The following KPNA4 variants were observed in gnomAD, a reference collection of about 807,000 sequenced individuals.
KPNA4 encodes the protein karyopherin subunit alpha 4.
In KPNA4, 13 loss-of-function variants were observed where a neutral mutation model predicts 71.3. That is an observed-to-expected ratio of 0.18 (90% confidence interval 0.12 to 0.29). KPNA4 has a LOEUF of 0.29. Ranked by LOEUF, KPNA4 falls within the 10% of genes least tolerant of loss-of-function variation. KPNA4 has a pLI of 1.00. For missense variants in KPNA4, 334 were observed against 603.2 expected (o/e 0.55, Z 4.67); for synonymous variants, 189 against 195.2 (o/e 0.97, Z 0.26).
chr3:160,533,806 A>C (rs1721622134), intron 5 of KPNA4, among the ~76,000 whole-genome samples: 2 of 152,178 alleles, frequency 1.3e-5, no homozygotes. Context: ...ATTGTCTTGG[A>C]ATCTCCCAGT....
At chr3:160,547,833 T>C (rs1248655927) in intron 1 of KPNA4, among the ~76,000 whole-genome samples, 1 of 152,184 alleles carries the variant, frequency 6.6e-6, no homozygotes, top group Non-Finnish European at 1.5e-5. Context: ...TTTCAGATTG[T>C]CTTGTTTCTT....
intron 1 of KPNA4, among the ~76,000 whole-genome samples, chr3:160,539,259 T>C (rs372622313): frequency 2.1e-4 from 32 of 152,344 alleles, no homozygotes; most frequent in African/African-American, 6.7e-4. Flanking sequence ...GGTACAGATA[T>C]AGATTTTTTA....
intron 1 of KPNA4, among the ~76,000 whole-genome samples, chr3:160,554,355 G>C (rs996764306): frequency 6.6e-6 from 1 of 152,114 alleles, no homozygotes; most frequent in Admixed American, 6.6e-5. Context: ...ATACCCACTA[G>C]CAATCATTCC....
intron 5 of KPNA4, among the ~76,000 whole-genome samples, chr3:160,534,718 G>GAATAAAAAAAA (rs1721647980): frequency 1.4e-5 from 1 of 73,138 alleles, no homozygotes; most frequent in Admixed American, 1.7e-4. Flanking sequence ...CTCCATCTCA[G>GAATAAAAAAAA]AAAAAAAAAA....
intron 11 of KPNA4, among the ~76,000 whole-genome samples, chr3:160,519,580 G>A (rs1483003273): frequency 1.3e-5 from 2 of 151,310 alleles, no homozygotes; most frequent in Non-Finnish European, 2.9e-5. Context: ...GGATCATGAG[G>A]TCAGGAGATC....
At chr3:160,522,000 C>T in intron 10 of KPNA4, 90 bp from the exon 11 acceptor site, 1 of 1,062,112 alleles carries the variant, frequency 9.4e-7, no homozygotes, top group Non-Finnish European at 1.4e-6. Flanking sequence ...AATTGTTCAA[C>T]TACCTTCTTC....
chr3:160,530,578 TATAA>T (rs1400292963), intron 7 of KPNA4, among the ~76,000 whole-genome samples: 1 of 152,214 alleles, frequency 6.6e-6, no homozygotes, highest in Non-Finnish European at 1.5e-5. Context: ...ACTGATGTCC[TATAA>T]ATAAAGTGTA....
At chr3:160,513,187 TCTC>T (rs1326022192) in intron 13 of KPNA4, among the ~76,000 whole-genome samples, 3 of 151,714 alleles carry the variant, frequency 2.0e-5, no homozygotes, top group African/African-American at 4.8e-5. Context: ...AGATTTATCT[TCTC>T]TTTAATTACA....
chr3:160,536,889 T>G (rs765574452), intron 1 of KPNA4, 49 bp from the exon 2 acceptor site: 9 of 1,129,688 alleles, frequency 8.0e-6, no homozygotes, highest in South Asian at 2.6e-5. Context: ...TCAAATTCCA[T>G]TATCCAGAGA....
At chr3:160,516,605 C>T (rs1346605980) in intron 11 of KPNA4, among the ~76,000 whole-genome samples, 2 of 151,908 alleles carry the variant, frequency 1.3e-5, no homozygotes, top group Non-Finnish European at 2.9e-5. Context: ...CATGACAAAA[C>T]CCTGTCTCTA....
At chr3:160,563,188 CGG>C (rs1722279400) in intron 1 of KPNA4, among the ~76,000 whole-genome samples, 1 of 93,004 alleles carries the variant, frequency 1.1e-5, no homozygotes, top group Non-Finnish European at 2.8e-5. Flanking sequence ...TTGGATCATT[CGG>C]CCATAAGGAT....
At chr3:160,541,578 A>C (rs561618399) in intron 1 of KPNA4, among the ~76,000 whole-genome samples, 5 of 152,144 alleles carry the variant, frequency 3.3e-5, no homozygotes, top group Admixed American at 2.0e-4. Context: ...ACTAAATATC[A>C]TTGAATTCTA....
chr3:160,496,431 C>T lies in KPNA4; in HGVS notation c.*5673G>A, dbSNP rs149118097. 5.3e-5 allele frequency: 8 copies of T among 152,170 alleles called. No individual in the cohort carries two copies. Among genetic ancestry groups the T allele is most frequent in the East Asian group, 3.9e-4 (2 of 5,176 alleles). 9.4% of individuals were successfully genotyped at this position (152,170 alleles called of 1,614,324 possible). On this transcript the variant is annotated 3_prime_UTR_variant, in exon 17 of 17. Coordinates refer to ENST00000334256, the MANE Select transcript of KPNA4 (RefSeq NM_002268.5). ...AAAGCATGTAGATTTAAGCAGATTA[C>T]GAGTCATTTTAAACAGCTGTTTCAA...
rs1720778713 is a variant in KPNA4 at position 160,497,072 on chromosome 3, C to T, written c.*5032G>A. The T allele has an allele frequency of 6.6e-6, 1 of 152,216 alleles. No homozygotes were observed. Among genetic ancestry groups the T allele is most frequent in the Non-Finnish European group, 1.5e-5 (1 of 68,038 alleles). The allele number at this position is 152,216 out of a possible 1,614,324, so 9.4% of individuals were successfully genotyped here. ...TACAGTCCAAATTTGCTTCTGATCA[C>T]ACTAGAATAGTTTTACCAATGTTCA... On this transcript the variant is annotated 3_prime_UTR_variant, in exon 17 of 17. Transcript: ENST00000334256.
At chr3:160,508,024 T>C (rs528929709) in intron 15 of KPNA4, 83 bp downstream of exon 15, 16 of 1,038,252 alleles carry the variant, frequency 1.5e-5, no homozygotes, top group African/African-American at 9.7e-5. Flanking sequence ...CAGAAAAATA[T>C]AGATGTGCTA....
At position 160,565,412 on chromosome 3, in the gene KPNA4, C is replaced by G; in HGVS notation, c.-130G>C. ...TGCCCGCCGCGCCGCCGCTTCCTTC[C>G]TCCTCTCACCTGCCTCCGCCGCGGC... On this transcript the variant is annotated 5_prime_UTR_variant, in exon 1 of 17. Coordinates refer to ENST00000334256, the MANE Select transcript of KPNA4 (RefSeq NM_002268.5). 4.3e-6 allele frequency: 3 copies of G among 703,556 alleles called. No individual in the cohort carries two copies. Among genetic ancestry groups the G allele is most frequent in the Non-Finnish European group, 7.2e-6 (3 of 416,834 alleles). 43.6% of individuals were successfully genotyped at this position (703,556 alleles called of 1,614,324 possible). A position where few individuals can be genotyped will look rare whatever the true frequency, so the allele number is the denominator to read the frequency against.
chr3:160,523,439 A>G (rs1399184608), intron 10 of KPNA4, among the ~76,000 whole-genome samples: 1 of 152,244 alleles, frequency 6.6e-6, no homozygotes, highest in African/African-American at 2.4e-5. Flanking sequence ...AAGATAAAAA[A>G]AACCAAAAAG....
At chr3:160,511,203 TC>T (rs1369401745) in intron 13 of KPNA4, among the ~76,000 whole-genome samples, 1 of 152,120 alleles carries the variant, frequency 6.6e-6, no homozygotes, top group Non-Finnish European at 1.5e-5. Context: ...CCTCCTGGGT[TC>T]ACACCATTCT....
intron 1 of KPNA4, among the ~76,000 whole-genome samples, chr3:160,545,607 C>T (rs979969455): frequency 6.6e-6 from 1 of 152,132 alleles, no homozygotes; most frequent in Non-Finnish European, 1.5e-5. Flanking sequence ...GGAGGCTAGC[C>T]ACTGCACAGA....
Sources: gnomAD v4.1 joint callset for allele counts (sites outside exome capture counted in the v4.1 genomes callset) on GRCh38, gnomAD v4.1.1 for gene constraint, MANE v1.5 for transcripts, NCBI Gene and HGNC (gene_info 2026-07-23, HGNC 2026-07-21) for gene names.